PDE1C: variants seen among roughly 807,000 people sequenced by gnomAD.
PDE1C encodes the protein dual specificity calcium/calmodulin-dependent 3',5'-cyclic nucleotide phosphodiesterase 1C.
Under a neutral mutation model 93.1 loss-of-function variants are expected in PDE1C, and 62 were observed. That is an observed-to-expected ratio of 0.67 (90% confidence interval 0.54 to 0.82). The LOEUF is 0.82. PDE1C is among the 40% of genes least tolerant of loss of function. The pLI is 0.00. For missense variants in PDE1C, 742 were observed against 884.6 expected, an observed-to-expected ratio of 0.84 and a Z score of 2.04; for synonymous variants, 325 against 310.1, an observed-to-expected ratio of 1.05 and a Z score of -0.50.
chr7:32,006,963 G>A (rs1157609336), intron 2 of PDE1C, among the ~76,000 whole-genome samples: 1 of 152,146 alleles, frequency 6.6e-6, no homozygotes, highest in East Asian at 1.9e-4. Flanking sequence ...TTCAGTGGTA[G>A]AGGACTCCCT....
chr7:31,737,798 C>CT, the PDE1C span, among the ~76,000 whole-genome samples: 1 of 90,070 alleles, frequency 1.1e-5, no homozygotes, highest in African/African-American at 6.2e-5. Flanking sequence ...GACACTCCAT[C>CT]TCAAAAAAAA....
At chr7:31,899,279 C>T (rs917539234) in intron 2 of PDE1C, among the ~76,000 whole-genome samples, 3 of 151,986 alleles carry the variant, frequency 2.0e-5, no homozygotes, top group Non-Finnish European at 2.9e-5. Context: ...GCTGGGACTA[C>T]AGGTGCCTGC....
chr7:31,622,101 A>T, the PDE1C span, among the ~76,000 whole-genome samples: 1 of 139,256 alleles, frequency 7.2e-6, no homozygotes, highest in Non-Finnish European at 1.6e-5. Context: ...CCAGATTCAT[A>T]AAGCAAGTCC....
chr7:32,002,355 AC>A (rs2128561190), intron 2 of PDE1C, among the ~76,000 whole-genome samples: 1 of 152,270 alleles, frequency 6.6e-6, no homozygotes, highest in Admixed American at 6.5e-5. Flanking sequence ...AGCAGGAGGC[AC>A]CATGGAGCTG....
chr7:32,359,655 T>C (rs1414811975), intron 1 of PDE1C, among the ~76,000 whole-genome samples: 1 of 152,260 alleles, frequency 6.6e-6, no homozygotes, highest in Admixed American at 6.5e-5. Context: ...CTATAAATGA[T>C]CATTCTTTTT....
intron 2 of PDE1C, among the ~76,000 whole-genome samples, chr7:31,986,500 G>T (rs1041244886): frequency 1.3e-5 from 2 of 152,124 alleles, no homozygotes; most frequent in African/African-American, 4.8e-5. Context: ...ACCTTATTTG[G>T]AAGCTGGATT....
chr7:31,694,990 C>T, the PDE1C span, among the ~76,000 whole-genome samples: 1 of 152,252 alleles, frequency 6.6e-6, no homozygotes, highest in Non-Finnish European at 1.5e-5. Context: ...GAGGATGAGA[C>T]TGGCACAATG....
chr7:31,745,302 C>T, the PDE1C span, among the ~76,000 whole-genome samples: 15 of 152,264 alleles, frequency 9.9e-5, no homozygotes, highest in African/African-American at 3.4e-4. Context: ...TATACATTTC[C>T]CATCCCTATC....
chr7:32,188,305 G>A (rs1804014628), intron 2 of PDE1C, among the ~76,000 whole-genome samples: 1 of 152,016 alleles, frequency 6.6e-6, no homozygotes, highest in South Asian at 2.1e-4. Flanking sequence ...TTCTGTTCAG[G>A]CAAGCTGCCT....
intron 1 of PDE1C, among the ~76,000 whole-genome samples, chr7:32,067,719 G>T (rs1795567985): frequency 6.6e-6 from 1 of 152,190 alleles, no homozygotes; most frequent in African/African-American, 2.4e-5. Flanking sequence ...CCTGGGCAAT[G>T]ATGTTAATAA....
At chr7:32,056,497 A>G (rs930712007) in intron 1 of PDE1C, among the ~76,000 whole-genome samples, 2 of 152,058 alleles carry the variant, frequency 1.3e-5, no homozygotes, top group African/African-American at 4.8e-5. Context: ...CCCTTCTCCA[A>G]CTTATTGTGT....
At chr7:31,642,884 A>G in the PDE1C span, 1 of 1,614,012 alleles carries the variant, frequency 6.2e-7, no homozygotes, top group Non-Finnish European at 8.5e-7. Flanking sequence ...ATGGAGGAAG[A>G]GTTTCTGCTT....
At chr7:31,848,685 C>A (rs188859368) in intron 8 of PDE1C, among the ~76,000 whole-genome samples, 2 of 152,078 alleles carry the variant, frequency 1.3e-5, no homozygotes, top group Non-Finnish European at 2.9e-5. Context: ...ACTAAACACA[C>A]GACTGTATAA....
chr7:32,364,636 A>G (rs993103127), intron 1 of PDE1C, among the ~76,000 whole-genome samples: 3 of 152,010 alleles, frequency 2.0e-5, no homozygotes, highest in Admixed American at 6.6e-5. Flanking sequence ...CAGCTGCATC[A>G]CTCCAGATGA....
chr7:31,986,565 C>A (rs1254106322), intron 2 of PDE1C, among the ~76,000 whole-genome samples: 1 of 151,794 alleles, frequency 6.6e-6, no homozygotes, highest in African/African-American at 2.4e-5. Context: ...ATTAGGATGC[C>A]CTAAATCCAA....
intron 1 of PDE1C, among the ~76,000 whole-genome samples, chr7:32,329,068 G>GA (rs1397005962): frequency 1.4e-4 from 22 of 151,954 alleles, no homozygotes; most frequent in African/African-American, 5.1e-4. Context: ...CTTATCTCTA[G>GA]AAAAAATGAA....
At chr7:32,298,942 G>A (rs1812801936) in exon 1 of PDE1C, 2 of 1,333,130 alleles carry the variant, frequency 1.5e-6, no homozygotes, top group Non-Finnish European at 1.9e-6. Context: ...CTAGGAGCTC[G>A]GCGGAGGCAG....
At chr7:31,909,321 A>G (rs192737302) in intron 2 of PDE1C, among the ~76,000 whole-genome samples, 1 of 152,224 alleles carries the variant, frequency 6.6e-6, no homozygotes, top group East Asian at 1.9e-4. Context: ...AAATATGTGG[A>G]TTTTTAATAA....
intron 3 of PDE1C, among the ~76,000 whole-genome samples, chr7:32,087,212 A>G (rs1448960666): frequency 6.7e-6 from 1 of 149,196 alleles, no homozygotes; most frequent in Non-Finnish European, 1.5e-5. Flanking sequence ...AGACTTCTCA[A>G]AAGAAGACAT....
Sources: gnomAD v4.1 joint callset for allele counts (sites outside exome capture counted in the v4.1 genomes callset) on GRCh38, gnomAD v4.1.1 for gene constraint, MANE v1.5 for transcripts, NCBI Gene and HGNC (gene_info 2026-07-23, HGNC 2026-07-21) for gene names.